TMEM178B: variants seen among roughly 807,000 people sequenced by gnomAD.
TMEM178B encodes transmembrane protein 178B.
A neutral mutation model predicts 31.0 loss-of-function variants in TMEM178B; 5 were observed. The observed-to-expected ratio is 0.16, with a 90% confidence interval of 0.08 to 0.34. The LOEUF is 0.34. Among genes scored for constraint, TMEM178B ranks in the 10% least tolerant of loss-of-function variants. TMEM178B has a pLI of 1.00. For missense variants in TMEM178B, 275 were observed against 400.3 expected, an observed-to-expected ratio of 0.69 and a Z score of 2.67; for synonymous variants, 164 against 164.0, an observed-to-expected ratio of 1.00 and a Z score of 0.00.
the TMEM178B span, among the ~76,000 whole-genome samples, chr7:141,493,785 C>A: frequency 6.6e-6 from 1 of 152,162 alleles, no homozygotes; most frequent in Non-Finnish European, 1.5e-5. Flanking sequence ...TCCCTTCCTT[C>A]ACCTGGTCTT....
chr7:141,284,995 G>A (rs1294122922), intron 2 of TMEM178B, among the ~76,000 whole-genome samples: 1 of 151,384 alleles, frequency 6.6e-6, no homozygotes, highest in East Asian at 1.9e-4. Flanking sequence ...TATTTTTGTG[G>A]AGCTGGTTGT....
chr7:141,462,684 G>A (rs977909303), intron 3 of TMEM178B, among the ~76,000 whole-genome samples: 3 of 152,172 alleles, frequency 2.0e-5, no homozygotes, highest in Non-Finnish European at 2.9e-5. Context: ...AGGGATGGCA[G>A]CAATGTGAAT....
intron 2 of TMEM178B, among the ~76,000 whole-genome samples, chr7:141,349,003 AG>A (rs1799665539): frequency 3.3e-5 from 5 of 152,326 alleles, no homozygotes; most frequent in Admixed American, 1.3e-4. Flanking sequence ...ACTGACATAC[AG>A]CAAAGGAAAA....
At chr7:141,087,855 T>G (rs1794813903) in intron 1 of TMEM178B, among the ~76,000 whole-genome samples, 1 of 152,150 alleles carries the variant, frequency 6.6e-6, no homozygotes, top group African/African-American at 2.4e-5. Flanking sequence ...CCCCTCAGAA[T>G]TATAGCAAGA....
intron 1 of TMEM178B, among the ~76,000 whole-genome samples, chr7:141,143,056 AT>A (rs1413610802): frequency 6.6e-6 from 1 of 152,120 alleles, no homozygotes; most frequent in Non-Finnish European, 1.5e-5. Context: ...TTTTTTGCCT[AT>A]TTTAAAATGG....
intron 1 of TMEM178B, among the ~76,000 whole-genome samples, chr7:141,177,348 A>T (rs1030810792): frequency 2.6e-5 from 4 of 152,096 alleles, no homozygotes; most frequent in African/African-American, 9.7e-5. Context: ...TTTGCTGAGG[A>T]GTGTTTCACT....
intron 1 of TMEM178B, among the ~76,000 whole-genome samples, chr7:141,181,392 A>G (rs1796528053): frequency 6.6e-6 from 1 of 152,174 alleles, no homozygotes; most frequent in South Asian, 2.1e-4. Context: ...AGGCTGGCTA[A>G]CTAAGGAGAG....
chr7:141,351,019 T>C (rs1043173862), intron 2 of TMEM178B, among the ~76,000 whole-genome samples: 1 of 152,160 alleles, frequency 6.6e-6, no homozygotes, highest in African/African-American at 2.4e-5. Flanking sequence ...ATTACCTCCA[T>C]ATGGATGATG....
chr7:141,190,516 G>A (rs1446503412), intron 1 of TMEM178B, among the ~76,000 whole-genome samples: 3 of 151,264 alleles, frequency 2.0e-5, no homozygotes, highest in Non-Finnish European at 4.4e-5. Context: ...TCTCTATGTT[G>A]CCCAGGCTGG....
the TMEM178B span, among the ~76,000 whole-genome samples, chr7:141,502,626 T>C: frequency 1.3e-5 from 2 of 152,184 alleles, no homozygotes; most frequent in East Asian, 1.9e-4. Flanking sequence ...AAAAATTAGC[T>C]GGGCATGGTA....
At chr7:141,496,531 G>A in the TMEM178B span, among the ~76,000 whole-genome samples, 1 of 141,578 alleles carries the variant, frequency 7.1e-6, no homozygotes, top group African/African-American at 3.1e-5. Context: ...TTAGCCAGGT[G>A]TAGTGGCGGG....
intron 3 of TMEM178B, among the ~76,000 whole-genome samples, chr7:141,447,881 G>T (rs1237330113): frequency 1.3e-5 from 2 of 152,100 alleles, no homozygotes; most frequent in Non-Finnish European, 2.9e-5. Flanking sequence ...AGCAACAGTA[G>T]AGGATCCAAG....
At chr7:141,430,592 C>T (rs565908005) in intron 2 of TMEM178B, among the ~76,000 whole-genome samples, 3 of 152,280 alleles carry the variant, frequency 2.0e-5, no homozygotes, top group African/African-American at 7.2e-5. Context: ...CCTGATTTCT[C>T]CTGTTCCTGC....
chr7:141,348,395 T>A (rs1799656117), intron 2 of TMEM178B, among the ~76,000 whole-genome samples: 1 of 152,294 alleles, frequency 6.6e-6, no homozygotes, highest in East Asian at 1.9e-4. Flanking sequence ...TGGGCTTTTT[T>A]GGGGAGAAGC....
intron 2 of TMEM178B, among the ~76,000 whole-genome samples, chr7:141,292,463 T>A (rs1159573584): frequency 7.9e-5 from 12 of 152,134 alleles, no homozygotes. Flanking sequence ...AGCTTGCCCT[T>A]GCAAGCTCAT....
chr7:141,418,490 T>C (rs1051116729), intron 2 of TMEM178B, among the ~76,000 whole-genome samples: 1 of 152,100 alleles, frequency 6.6e-6, no homozygotes, highest in Admixed American at 6.5e-5. Flanking sequence ...CAGTTGAAGG[T>C]TTTATGATCT....
intron 3 of TMEM178B, among the ~76,000 whole-genome samples, chr7:141,445,679 G>A (rs1801740770): frequency 6.6e-6 from 1 of 152,222 alleles, no homozygotes; most frequent in African/African-American, 2.4e-5. Flanking sequence ...GACTTACTAT[G>A]AGACAGGCTT....
intron 2 of TMEM178B, among the ~76,000 whole-genome samples, chr7:141,295,632 T>C (rs567384121): frequency 1.3e-5 from 2 of 152,314 alleles, no homozygotes; most frequent in Admixed American, 1.3e-4. Context: ...GGGAGTGTTT[T>C]CTTAGCAAAC....
At chr7:141,466,527 G>T (rs187783420) in intron 3 of TMEM178B, among the ~76,000 whole-genome samples, 1 of 152,166 alleles carries the variant, frequency 6.6e-6, no homozygotes, top group Non-Finnish European at 1.5e-5. Context: ...TGAGGTTGAC[G>T]TCCTGTTTCA....
Sources: gnomAD v4.1 joint callset for allele counts (sites outside exome capture counted in the v4.1 genomes callset) on GRCh38, gnomAD v4.1.1 for gene constraint, MANE v1.5 for transcripts, NCBI Gene and HGNC (gene_info 2026-07-23, HGNC 2026-07-21) for gene names.